The following TAF5L variants were observed in gnomAD, a reference collection of about 807,000 sequenced individuals.
The protein encoded by TAF5L is TAF5-like RNA polymerase II p300/CBP-associated factor-associated factor 65 kDa subunit 5L.
Under a neutral mutation model 51.3 loss-of-function variants are expected in TAF5L, and 7 were observed. That is an observed-to-expected ratio of 0.14 (90% CI 0.08 to 0.26). The LOEUF is 0.26. TAF5L is among the 10% of genes least tolerant of loss of function. The pLI, the probability that TAF5L is intolerant of heterozygous loss-of-function variation, is 1.00. For synonymous variants in TAF5L, 291 were observed against 308.1 expected (o/e 0.94, Z 0.58); for missense variants, 575 against 758.9 (o/e 0.76, Z 2.85).
rs767798944 is a variant in TAF5L, at chr1:229,594,687, C to T, written c.1380G>A (p.Ser460=). 28 of 1,614,026 alleles carry T rather than the reference C, an allele frequency of 1.7e-5. No homozygotes were observed. The highest frequency in any genetic ancestry group is 1.9e-5 in the Non-Finnish European group (22 of 1,180,050). The stretch of plus-strand genomic sequence containing the variant: ...CACGGTGGCCTGTGAAAAGCCTCAC[C>T]GAGTTCCCCTGCTGAGCGCTCCACA... Residue 460 remains serine (S), a synonymous_variant, in exon 5 of 5, where the codon TCG becomes TCA. Coordinates refer to ENST00000258281, the Ensembl canonical transcript of TAF5L. This position sits in a 1 kb window ranked among gnomAD's most constrained non-coding sequence, Gnocchi z 7.9.
chr1:229,618,546 TCAAC>T (rs1665088099), intron 1 of TAF5L, among the ~76,000 whole-genome samples: 2 of 152,202 alleles, frequency 1.3e-5, no homozygotes, highest in Non-Finnish European at 2.9e-5. Context: ...GCCAGATACT[TCAAC>T]CAAGTTGCTA....
exon 2 of TAF5L, chr1:229,614,434 G>A (rs1664899530): frequency 6.2e-7 from 1 of 1,614,216 alleles, no homozygotes; most frequent in Non-Finnish European, 8.5e-7. Context: ...CGGCGTTTGA[G>A]GTAGCAGGAC....
rs147676854 is a variant in TAF5L at position 229,601,711 on chromosome 1, A to T, written c.972+484T>A. ...CCAATACCATCCATCCAGTGTGGTG[A>T]GGGTGCAGGGATGCCAGTATTCTTA... On this transcript the variant is annotated intron_variant, in intron 4 of 4. Transcript: ENST00000258281. 9.8e-4 allele frequency: 976 copies of T among 996,780 alleles called. 1 individual carries two copies. Among genetic ancestry groups the T allele is most frequent in the Non-Finnish European group, 1.1e-3 (889 of 836,974 alleles). 61.7% of individuals were successfully genotyped at this position (996,780 alleles called of 1,614,324 possible). A position where few individuals can be genotyped will look rare whatever the true frequency, so the allele number is the denominator to read the frequency against.
rs1665392364 is a variant in TAF5L at position 229,625,201 on chromosome 1, G to C, written c.-4+684C>G. ...CTGTTTCTAACCATCCACTCACTTC[G>C]GACCAACGCCTTATCGAATACATTT... On this transcript the variant is annotated intron_variant, in intron 1 of 4. Coordinates refer to ENST00000258281, the Ensembl canonical transcript of TAF5L. The surrounding 1 kb of genome is among the most constrained non-coding windows in gnomAD (Gnocchi z 4.0). Among the ~76,000 whole-genome samples, 2 of 152,088 alleles carry C rather than the reference G, an allele frequency of 1.3e-5. No homozygotes were observed. Among genetic ancestry groups the C allele is most frequent in the South Asian group, 4.1e-4 (2 of 4,820 alleles).
intron 2 of TAF5L, among the ~76,000 whole-genome samples, chr1:229,612,426 C>T (rs1464967523): frequency 1.4e-5 from 2 of 148,104 alleles, no homozygotes; most frequent in Non-Finnish European, 3.0e-5. Flanking sequence ...GCTAGGATGG[C>T]ATGTTCAGAA....
rs200999587 is a variant in TAF5L at position 229,602,668 on chromosome 1, G to C, written c.499C>G (p.Leu167Val). The change falls in exon 4 of 5, where the codon CTC (leucine) becomes GTC (valine). Residue 167 changes from leucine to valine, a missense_variant. Around this residue, in one of 3 missense-constraint regions of TAF5L, gnomAD observed 380 missense variants for 443.7 expected, o/e 0.86. Transcript: ENST00000258281. The surrounding 1 kb of genome is among the most constrained non-coding windows in gnomAD (Gnocchi z 4.6). Reference sequence around the variant, plus strand: ...AGGTAGTTGTAGCTGTCTTCTTGGAGACGGACCACGTACTTGTTATCTAGG... The same window carrying C: ...AGGTAGTTGTAGCTGTCTTCTTGGACACGGACCACGTACTTGTTATCTAGG... The C allele has an allele frequency of 1.9e-6, 3 of 1,614,188 alleles. No homozygotes were observed. Among genetic ancestry groups the C allele is most frequent in the Non-Finnish European group, 2.5e-6 (3 of 1,180,036 alleles).
At chr1:229,610,304 AC>A (rs1368896987) in intron 2 of TAF5L, 94 bp from the exon 3 acceptor site, 4 of 1,119,808 alleles carry the variant, frequency 3.6e-6, no homozygotes, top group Non-Finnish European at 5.3e-6. Flanking sequence ...GGTGTTGTGC[AC>A]ACACGCACAG....
chr1:229,594,460 A>G lies in TAF5L; in HGVS notation c.1607T>C (p.Val536Ala). The G allele has an allele frequency of 6.2e-7, 1 of 1,614,126 alleles. No homozygotes were observed. The highest frequency in any genetic ancestry group is 8.5e-7 in the Non-Finnish European group (1 of 1,180,010). Residue 536 changes from valine to alanine, a missense_variant, in exon 5 of 5, where the codon GTC (valine) becomes GCC (alanine). Transcript: ENST00000258281. The surrounding 1 kb of genome is among the most constrained non-coding windows in gnomAD (Gnocchi z 7.9). Reference sequence around the variant, plus strand: ...GCAGTAAGTGTTCCTGATGTCCCAGACGCGCACCGAGTTGTCCATGGAGGC... The same window carrying G: ...GCAGTAAGTGTTCCTGATGTCCCAGGCGCGCACCGAGTTGTCCATGGAGGC...
intron 4 of TAF5L, among the ~76,000 whole-genome samples, chr1:229,598,040 G>T (rs1367749525): frequency 6.6e-6 from 1 of 152,202 alleles, no homozygotes; most frequent in Admixed American, 6.5e-5. Flanking sequence ...CTGGACTTGT[G>T]AGTGTATTAG....
chr1:229,601,568 CACTG>C, intron 4 of TAF5L: 1 of 985,894 alleles, frequency 1.0e-6, no homozygotes, highest in Non-Finnish European at 1.2e-6. Flanking sequence ...CAAGATTGAA[CACTG>C]ACTGACGGGG....
At chr1:229,612,506 A>G (rs754958269) in intron 2 of TAF5L, among the ~76,000 whole-genome samples, 16 of 152,232 alleles carry the variant, frequency 1.1e-4, no homozygotes, top group Non-Finnish European at 2.2e-4. Flanking sequence ...GGCACTTAGT[A>G]TTCTATACCA....
chr1:229,607,775 C>CT (rs1188247364), intron 3 of TAF5L: 1 of 152,204 alleles, frequency 6.6e-6, no homozygotes. Context: ...ATATCTTACA[C>CT]TTTATCTTGG....
At chr1:229,611,211 A>G (rs1282814053) in intron 2 of TAF5L, among the ~76,000 whole-genome samples, 1 of 152,152 alleles carries the variant, frequency 6.6e-6, no homozygotes, top group Non-Finnish European at 1.5e-5. Context: ...CAGGGGAAAC[A>G]AGGCTGGAGT....
chr1:229,600,429 T>C (rs2102741780), intron 4 of TAF5L: 1 of 985,336 alleles, frequency 1.0e-6, no homozygotes. Context: ...TCCAATGACG[T>C]CTTTTGCTTT....
intron 1 of TAF5L, among the ~76,000 whole-genome samples, chr1:229,624,699 T>C (rs1665363448): frequency 6.6e-6 from 1 of 152,148 alleles, no homozygotes; most frequent in Non-Finnish European, 1.5e-5. Context: ...GGCTACATGG[T>C]TTCCATCCTA....
chr1:229,606,063 A>G lies in TAF5L; in HGVS notation c.248-3144T>C, dbSNP rs75457140. ...AAATGAGAGGCATTTCAATTGAGTA[A>G]GTTTAGAAAAAAACCTAGCTATCAA... On this transcript the variant is annotated intron_variant, in intron 3 of 4. Transcript: ENST00000258281. 898 of 850,472 alleles carry G rather than the reference A, an allele frequency of 1.1e-3. 10 individuals are homozygous for G. The African/African-American group carries it at 0.016, about 15-fold the overall frequency. The allele number at this position is 850,472 out of a possible 1,614,324, so 52.7% of individuals were successfully genotyped here.
chr1:229,618,399 C>A (rs1362586326), intron 1 of TAF5L, among the ~76,000 whole-genome samples: 4 of 152,062 alleles, frequency 2.6e-5, no homozygotes, highest in African/African-American at 9.7e-5. Context: ...TTCTGGAAAT[C>A]AAAAATTTCT....
chr1:229,619,109 A>C (rs1665113904), intron 1 of TAF5L, among the ~76,000 whole-genome samples: 1 of 152,166 alleles, frequency 6.6e-6, no homozygotes, highest in African/African-American at 2.4e-5. Context: ...TAGGTAACTC[A>C]AGTTATTAGT....
At position 229,594,408 on chromosome 1, in the gene TAF5L, G is replaced by A. The variant is rs765365175; in HGVS notation, c.1659C>T (p.Ser553=). Residue 553 remains serine (S), a synonymous_variant, in exon 5 of 5, where the codon AGC becomes AGT. Transcript: ENST00000258281. This position sits in a 1 kb window ranked among gnomAD's most constrained non-coding sequence, Gnocchi z 7.9. ...GCCCGGTGTACACGCCCACGAGCTCGCTGGAGGAGCCGTCGGCAGGTGCAC... is the reference window on the plus strand; with the variant it reads ...GCCCGGTGTACACGCCCACGAGCTCACTGGAGGAGCCGTCGGCAGGTGCAC... The A allele has an allele frequency of 1.9e-5, 30 of 1,614,068 alleles. No individual in the cohort carries two copies. The East Asian group carries it at 2.4e-4, about 13-fold the overall frequency.
Sources: gnomAD v4.1 joint callset for allele counts (sites outside exome capture counted in the v4.1 genomes callset) on GRCh38, gnomAD v4.1.1 for gene constraint, gnomAD v4.1.1 regional missense constraint, Gnocchi (gnomAD v3.1) non-coding constraint, MANE v1.5 for transcripts, NCBI Gene and HGNC (gene_info 2026-07-23, HGNC 2026-07-21) for gene names.